Variants in DAB1 observed in about 807,000 individuals in gnomAD.
DAB1 encodes the protein DAB adaptor protein 1.
Under a neutral mutation model 64.6 loss-of-function variants are expected in DAB1, and 15 were observed. The observed-to-expected ratio is 0.23, with a 90% CI of 0.16 to 0.36. The LOEUF is 0.36. Ranked by LOEUF, DAB1 falls within the 10% of genes least tolerant of loss-of-function variation. DAB1 has a pLI of 1.00. For missense variants in DAB1, 596 were observed against 706.7 expected (o/e 0.84, Z 1.78); for synonymous variants, 235 against 251.9 (o/e 0.93, Z 0.64).
At chr1:57,326,389 C>T (rs1477962681) in intron 1 of DAB1, among the ~76,000 whole-genome samples, 2 of 152,270 alleles carry the variant, frequency 1.3e-5, no homozygotes, top group East Asian at 3.9e-4. Flanking sequence ...TTGCAGAAAA[C>T]TAGTCTATGG....
intron 5 of DAB1, among the ~76,000 whole-genome samples, chr1:58,096,570 C>T (rs1650995390): frequency 6.6e-6 from 1 of 152,156 alleles, no homozygotes; most frequent in Admixed American, 6.5e-5. Flanking sequence ...TTTGTTATTG[C>T]CTGTATTTAA....
At chr1:58,473,725 T>C (rs1645389742) in intron 3 of DAB1, 1 of 428,662 alleles carries the variant, frequency 2.3e-6, no homozygotes. Flanking sequence ...TTACTGCTCT[T>C]ATTGTTAGGG....
chr1:58,269,260 C>A (rs1661253878), intron 4 of DAB1, among the ~76,000 whole-genome samples: 1 of 150,706 alleles, frequency 6.6e-6, no homozygotes, highest in African/African-American at 2.4e-5. Context: ...TGAGAATATG[C>A]CCTGTTTGGT....
chr1:58,504,666 T>C (rs956415433), intron 3 of DAB1, among the ~76,000 whole-genome samples: 1 of 152,208 alleles, frequency 6.6e-6, no homozygotes, highest in African/African-American at 2.4e-5. Context: ...GATTAATCAA[T>C]AAGTATCAAT....
rs148379733 is a variant in DAB1, at chr1:57,300,062, G to A, written c.-136-8896C>T. 1.8e-3 allele frequency among the ~76,000 whole-genome samples: 276 copies of A among 152,150 alleles called. 1 individual carries two copies. The highest frequency in any genetic ancestry group is 3.3e-3 in the Non-Finnish European group (222 of 67,996). ...GCAGGCCTTAAACTGTCCCAACCCCGAGTGGGAATGTGCCCTATACACCTT... is the reference window on the plus strand; with the variant it reads ...GCAGGCCTTAAACTGTCCCAACCCCAAGTGGGAATGTGCCCTATACACCTT... On this transcript the variant is annotated intron_variant, in intron 1 of 14. Transcript: ENST00000371236.
intron 4 of DAB1, among the ~76,000 whole-genome samples, chr1:58,269,095 T>C (rs499094): frequency 0.63 from 92,050 of 146,020 alleles, 30,812 homozygotes; most frequent in East Asian, 0.86. Context: ...ACATGTGCCA[T>C]GCTGGTGCGC....
chr1:58,067,843 T>C (rs1163483207), intron 5 of DAB1, among the ~76,000 whole-genome samples: 1 of 152,194 alleles, frequency 6.6e-6, no homozygotes, highest in African/African-American at 2.4e-5. Flanking sequence ...AGCTGTTGTA[T>C]TGGGGATAAT....
At chr1:58,456,366 T>TG (rs912376372) in intron 3 of DAB1, among the ~76,000 whole-genome samples, 1 of 152,162 alleles carries the variant, frequency 6.6e-6, no homozygotes, top group African/African-American at 2.4e-5. Context: ...CCGATTTGTC[T>TG]GGGGGGAGGG....
chr1:57,104,401 C>T (rs951044848), intron 4 of DAB1, among the ~76,000 whole-genome samples: 16 of 152,060 alleles, frequency 1.1e-4, no homozygotes, highest in African/African-American at 3.6e-4. Flanking sequence ...TTATAATCTG[C>T]ACCAGTCAAT....
intron 7 of DAB1, among the ~76,000 whole-genome samples, chr1:57,472,968 T>C (rs1687195052): frequency 6.6e-6 from 1 of 152,204 alleles, no homozygotes; most frequent in African/African-American, 2.4e-5. Context: ...AGTTACCTCC[T>C]ATTTAGTGCA....
chr1:58,469,892 A>T (rs993505540), intron 3 of DAB1, among the ~76,000 whole-genome samples: 3 of 151,668 alleles, frequency 2.0e-5, no homozygotes, highest in African/African-American at 7.2e-5. Flanking sequence ...AAATAATAAT[A>T]CTTAATATTT....
At position 57,177,170 on chromosome 1, in the gene DAB1, T is replaced by C. The variant is rs1240311175; in HGVS notation, c.68-31741A>G. ...AGCACTTACCTTCTATTAATTTCCC[T>C]ATATATTTAACTTTCTGTGATTTGC... On this transcript the variant is annotated intron_variant, in intron 2 of 14. Coordinates refer to ENST00000371236, the MANE Select transcript of DAB1 (RefSeq NM_001365792.1). 4.6e-5 allele frequency among the ~76,000 whole-genome samples: 7 copies of C among 152,230 alleles called. No homozygotes were observed. In the South Asian group the frequency reaches 8.3e-4, roughly 18 times the overall value.
intron 7 of DAB1, among the ~76,000 whole-genome samples, chr1:57,464,203 T>A (rs566848530): frequency 2.0e-5 from 3 of 152,244 alleles, no homozygotes; most frequent in Non-Finnish European, 4.4e-5. Flanking sequence ...GATGAGAAAA[T>A]CAAGGCTTAA....
At chr1:57,315,794 G>A (rs781684583) in intron 1 of DAB1, among the ~76,000 whole-genome samples, 9 of 152,112 alleles carry the variant, frequency 5.9e-5, no homozygotes, top group Admixed American at 2.6e-4. Context: ...GAGCCACCGC[G>A]CCCGGCCACC....
intron 11 of DAB1, among the ~76,000 whole-genome samples, chr1:57,022,567 T>C (rs1472699820): frequency 6.6e-6 from 1 of 152,284 alleles, no homozygotes; most frequent in Admixed American, 6.5e-5. Flanking sequence ...GAACAGGGTA[T>C]GCATTTTTAA....
chr1:57,438,300 G>A (rs569549158), intron 7 of DAB1, among the ~76,000 whole-genome samples: 1 of 152,168 alleles, frequency 6.6e-6, no homozygotes, highest in East Asian at 1.9e-4. Context: ...CCTGTTAAAT[G>A]CAAGGCGTTC....
chr1:58,175,782 G>A (rs908000717), intron 4 of DAB1, among the ~76,000 whole-genome samples: 3 of 152,166 alleles, frequency 2.0e-5, no homozygotes, highest in Non-Finnish European at 4.4e-5. Flanking sequence ...CATCCTTCCA[G>A]CTAATAATGG....
chr1:57,163,051 C>A (rs1003843061), intron 2 of DAB1, among the ~76,000 whole-genome samples: 2 of 152,330 alleles, frequency 1.3e-5, no homozygotes, highest in South Asian at 2.1e-4. Flanking sequence ...AATATTCATT[C>A]ATTCCACCAA....
At chr1:58,141,635 C>A (rs1444033653) in intron 5 of DAB1, among the ~76,000 whole-genome samples, 1 of 152,192 alleles carries the variant, frequency 6.6e-6, no homozygotes, top group Non-Finnish European at 1.5e-5. Flanking sequence ...CAATCACCTC[C>A]AACCAGGCCC....
Sources: allele counts gnomAD v4.1 joint callset (sites outside exome capture counted in the v4.1 genomes callset), GRCh38; gene constraint gnomAD v4.1.1; transcripts MANE v1.5; gene names NCBI Gene and HGNC (gene_info 2026-07-23, HGNC 2026-07-21).